The following MIPOL1 variants were observed in gnomAD, a reference collection of about 807,000 sequenced individuals.
The protein encoded by MIPOL1 is mirror-image polydactyly 1.
In MIPOL1, 57 loss-of-function variants were observed where a neutral mutation model predicts 60.9. The ratio of observed to expected loss-of-function variants is 0.94; its 90% CI spans 0.76 to 1.17. The LOEUF (loss-of-function observed/expected upper bound fraction) is 1.17. MIPOL1 is among the 50% of genes most tolerant of loss of function. The probability of loss-of-function intolerance (pLI) is 0.00; values close to 1 mark genes in which losing one functional copy is unlikely to be tolerated. For synonymous variants in MIPOL1, 179 were observed against 168.8 expected, an observed-to-expected ratio of 1.06 and a Z score of -0.47; for missense variants, 551 against 511.6, an observed-to-expected ratio of 1.08 and a Z score of -0.74.
intron 11 of MIPOL1, among the ~76,000 whole-genome samples, chr14:37,436,826 A>G (rs2094170549): frequency 6.6e-6 from 1 of 152,168 alleles, no homozygotes; most frequent in East Asian, 1.9e-4. Context: ...TAAATGTGTA[A>G]ATATTCCAGA....
chr14:37,413,249 TTAAA>T (rs1437430531), intron 10 of MIPOL1, among the ~76,000 whole-genome samples: 1 of 152,134 alleles, frequency 6.6e-6, no homozygotes, highest in Non-Finnish European at 1.5e-5. Context: ...TTTAATAGTA[TTAAA>T]TAATCATTTA....
chr14:37,353,979 G>C (rs1456422568), intron 9 of MIPOL1, among the ~76,000 whole-genome samples: 1 of 151,662 alleles, frequency 6.6e-6, no homozygotes, highest in Non-Finnish European at 1.5e-5. Context: ...TGCTTTTCTG[G>C]TTTTTTTAAT....
At chr14:37,328,654 A>G (rs1287112296) in intron 9 of MIPOL1, among the ~76,000 whole-genome samples, 1 of 152,214 alleles carries the variant, frequency 6.6e-6, no homozygotes, top group Non-Finnish European at 1.5e-5. Flanking sequence ...CATGTCAGTA[A>G]CAGACAGTTT....
chr14:37,542,819 C>A (rs1458002078), intron 12 of MIPOL1, among the ~76,000 whole-genome samples: 1 of 152,180 alleles, frequency 6.6e-6, no homozygotes, highest in Non-Finnish European at 1.5e-5. Context: ...ATAATCAAAG[C>A]CCAGCACAAT....
chr14:37,391,259 T>G (rs916088753), intron 10 of MIPOL1, among the ~76,000 whole-genome samples: 4 of 152,158 alleles, frequency 2.6e-5, no homozygotes, highest in African/African-American at 9.7e-5. Flanking sequence ...AGATGTGAAT[T>G]GAAAAACATA....
At chr14:37,200,194 G>A (rs892140761) in intron 1 of MIPOL1, among the ~76,000 whole-genome samples, 1 of 152,184 alleles carries the variant, frequency 6.6e-6, no homozygotes, top group Non-Finnish European at 1.5e-5. Flanking sequence ...ACCAAGTAAT[G>A]TGTGAAGCTC....
At chr14:37,205,869 T>C (rs1333569273) in intron 1 of MIPOL1, among the ~76,000 whole-genome samples, 2 of 152,184 alleles carry the variant, frequency 1.3e-5, no homozygotes, top group Non-Finnish European at 2.9e-5. Context: ...AGTCTGTCAT[T>C]GTTGGACATT....
intron 10 of MIPOL1, among the ~76,000 whole-genome samples, chr14:37,376,804 AG>A (rs1335588924): frequency 2.0e-5 from 3 of 152,144 alleles, no homozygotes; most frequent in Non-Finnish European, 4.4e-5. Flanking sequence ...TGTACTAAGG[AG>A]TGCAATTTCT....
At chr14:37,299,053 G>A (rs2086089373) in intron 7 of MIPOL1, among the ~76,000 whole-genome samples, 2 of 151,978 alleles carry the variant, frequency 1.3e-5, no homozygotes, top group Admixed American at 6.6e-5. Flanking sequence ...CAACCCAAAT[G>A]TCCAACAATG....
chr14:37,343,895 C>G (rs2090754004), intron 9 of MIPOL1, among the ~76,000 whole-genome samples: 1 of 152,100 alleles, frequency 6.6e-6, no homozygotes, highest in South Asian at 2.1e-4. Context: ...TCCTTCTTAA[C>G]AGTGAGCTTA....
At chr14:37,287,578 G>C (rs1594915031) in intron 7 of MIPOL1, among the ~76,000 whole-genome samples, 1 of 152,174 alleles carries the variant, frequency 6.6e-6, no homozygotes, top group East Asian at 1.9e-4. Context: ...TGAAAAATAT[G>C]TGGCTCATAG....
At chr14:37,279,223 T>C (rs1298295020) in intron 6 of MIPOL1, among the ~76,000 whole-genome samples, 1 of 150,032 alleles carries the variant, frequency 6.7e-6, no homozygotes, top group Non-Finnish European at 1.5e-5. Flanking sequence ...TGTTAAAGCT[T>C]CTATTTAACA....
intron 10 of MIPOL1, among the ~76,000 whole-genome samples, chr14:37,387,911 A>G (rs1235248704): frequency 3.3e-5 from 5 of 151,922 alleles, no homozygotes; most frequent in African/African-American, 1.2e-4. Flanking sequence ...ATTAAAATAA[A>G]TAAATAAAGG....
At chr14:37,362,028 T>C (rs1435709869) in intron 9 of MIPOL1, among the ~76,000 whole-genome samples, 2 of 152,196 alleles carry the variant, frequency 1.3e-5, no homozygotes, top group Non-Finnish European at 2.9e-5. Flanking sequence ...ATGGGTCTCC[T>C]GAACACAGCA....
At chr14:37,543,972 T>G (rs1354406615) in intron 12 of MIPOL1, among the ~76,000 whole-genome samples, 1 of 152,220 alleles carries the variant, frequency 6.6e-6, no homozygotes, top group Non-Finnish European at 1.5e-5. Flanking sequence ...TTAATCAAGA[T>G]AAGAAATACT....
intron 10 of MIPOL1, among the ~76,000 whole-genome samples, chr14:37,414,359 A>G (rs2093728454): frequency 6.6e-6 from 1 of 152,206 alleles, no homozygotes; most frequent in African/African-American, 2.4e-5. Context: ...ATTATTAGTC[A>G]TTGTAATTTT....
At chr14:37,276,316 T>C (rs1437747600) in intron 6 of MIPOL1, 1 of 151,094 alleles carries the variant, frequency 6.6e-6, no homozygotes, top group Non-Finnish European at 1.5e-5. Context: ...AGAATGTTTA[T>C]TTTCTTTTGG....
At chr14:37,268,004 C>G (rs1026074947) in intron 4 of MIPOL1, among the ~76,000 whole-genome samples, 1 of 152,072 alleles carries the variant, frequency 6.6e-6, no homozygotes, top group Non-Finnish European at 1.5e-5. Context: ...TTTGTGATAC[C>G]TGATACTTCT....
intron 9 of MIPOL1, among the ~76,000 whole-genome samples, chr14:37,356,582 G>A (rs553908907): frequency 1.2e-4 from 19 of 152,318 alleles, no homozygotes; most frequent in African/African-American, 2.9e-4. Flanking sequence ...AGGACCCTCC[G>A]AGCCAGGTGC....
Sources: gnomAD v4.1 joint callset for allele counts (sites outside exome capture counted in the v4.1 genomes callset) on GRCh38, gnomAD v4.1.1 for gene constraint, MANE v1.5 for transcripts, NCBI Gene and HGNC (gene_info 2026-07-23, HGNC 2026-07-21) for gene names.